Variants in TMEM150C observed in about 807,000 individuals in gnomAD.
The protein encoded by TMEM150C is tentonin 3.
TMEM150C carries 10 observed loss-of-function variants against 29.9 expected under a neutral mutation model. The observed-to-expected ratio is 0.33, with a 90% CI of 0.21 to 0.57. The LOEUF is 0.57. Ranked by LOEUF, TMEM150C falls within the 20% of genes least tolerant of loss-of-function variation. TMEM150C has a pLI of 0.88. For synonymous variants in TMEM150C, 101 were observed against 112.5 expected (o/e 0.90, Z 0.64); for missense variants, 251 against 303.6 (o/e 0.83, Z 1.29).
chr4:82,489,250 C>T (rs1723256753), intron 7 of TMEM150C, among the ~76,000 whole-genome samples: 1 of 151,948 alleles, frequency 6.6e-6, no homozygotes. Flanking sequence ...TTCTATTGGG[C>T]CACACTACCA....
intron 1 of TMEM150C, among the ~76,000 whole-genome samples, chr4:82,554,311 T>C (rs1725669692): frequency 6.6e-6 from 1 of 152,176 alleles, no homozygotes; most frequent in Non-Finnish European, 1.5e-5. Flanking sequence ...GATGATTATA[T>C]TACAGAATTC....
intron 3 of TMEM150C, 39 bp downstream of exon 3, chr4:82,503,020 C>G (rs544766197): frequency 6.2e-7 from 1 of 1,608,526 alleles, no homozygotes; most frequent in East Asian, 2.2e-5. Context: ...TTTGCTAAAT[C>G]TCTTGATGAA....
chr4:82,498,038 A>T (rs565038865), intron 5 of TMEM150C, among the ~76,000 whole-genome samples: 1 of 151,458 alleles, frequency 6.6e-6, no homozygotes, highest in African/African-American at 2.4e-5. Flanking sequence ...TTTTTTAAAC[A>T]GAGTCTTACT....
chr4:82,555,513 C>A (rs1265847655), intron 1 of TMEM150C, among the ~76,000 whole-genome samples: 3 of 152,202 alleles, frequency 2.0e-5, no homozygotes, highest in Non-Finnish European at 4.4e-5. Flanking sequence ...AGTGAGGTCT[C>A]TTCCTGCCTA....
At chr4:82,537,938 G>A (rs185305848) in intron 1 of TMEM150C, among the ~76,000 whole-genome samples, 1 of 152,282 alleles carries the variant, frequency 6.6e-6, no homozygotes, top group Admixed American at 6.5e-5. Context: ...AGTTTCTCCT[G>A]TTTTAAGCCA....
At chr4:82,530,426 G>A (rs186225342) in intron 1 of TMEM150C, among the ~76,000 whole-genome samples, 10 of 152,148 alleles carry the variant, frequency 6.6e-5, no homozygotes, top group East Asian at 5.8e-4. Context: ...GTGTGGTGGC[G>A]GGTGCCTGTA....
At chr4:82,548,514 A>G (rs1408542531) in intron 1 of TMEM150C, among the ~76,000 whole-genome samples, 14 of 152,096 alleles carry the variant, frequency 9.2e-5, no homozygotes, top group Non-Finnish European at 1.5e-4. Flanking sequence ...CTCCTTTCCC[A>G]TTGCCTTTCT....
chr4:82,523,769 C>T (rs1292475455), intron 1 of TMEM150C, among the ~76,000 whole-genome samples: 2 of 151,846 alleles, frequency 1.3e-5, no homozygotes, highest in African/African-American at 4.8e-5. Flanking sequence ...CCTTCACCTC[C>T]TGGGTTCAAG....
At chr4:82,492,117 T>TTTG (rs147594807) in intron 6 of TMEM150C, among the ~76,000 whole-genome samples, 7 of 148,804 alleles carry the variant, frequency 4.7e-5, no homozygotes, top group East Asian at 2.0e-4. Context: ...ATAATTGTTT[T>TTTG]TTGTTGTTGT....
intron 1 of TMEM150C, among the ~76,000 whole-genome samples, chr4:82,525,122 A>G (rs2110080285): frequency 6.6e-6 from 1 of 152,336 alleles, no homozygotes; most frequent in East Asian, 1.9e-4. Flanking sequence ...AGAACACTTG[A>G]GGCATTTCAT....
At chr4:82,545,405 G>C (rs6842368) in intron 1 of TMEM150C, among the ~76,000 whole-genome samples, 1 of 152,048 alleles carries the variant, frequency 6.6e-6, no homozygotes, top group Admixed American at 6.5e-5. Flanking sequence ...AAAATAATAA[G>C]AGCCATCTAG....
chr4:82,553,538 T>C (rs184508137), intron 1 of TMEM150C, among the ~76,000 whole-genome samples: 1 of 152,220 alleles, frequency 6.6e-6, no homozygotes, highest in Non-Finnish European at 1.5e-5. Flanking sequence ...TTTCTGGCTC[T>C]GAGACACTGA....
intron 1 of TMEM150C, among the ~76,000 whole-genome samples, chr4:82,512,979 G>A (rs911292474): frequency 6.6e-6 from 1 of 152,194 alleles, no homozygotes; most frequent in Admixed American, 6.5e-5. Flanking sequence ...CCTGGGAAGG[G>A]CAACTTGGGG....
chr4:82,500,293 T>A (rs1723696559), intron 5 of TMEM150C, among the ~76,000 whole-genome samples: 1 of 152,230 alleles, frequency 6.6e-6, no homozygotes, highest in South Asian at 2.1e-4. Context: ...GTGGGTTATT[T>A]CTTAAAGTCA....
chr4:82,530,385 G>A (rs539838010), intron 1 of TMEM150C, among the ~76,000 whole-genome samples: 174 of 152,052 alleles, frequency 1.1e-3, no homozygotes, highest in African/African-American at 4.0e-3. Flanking sequence ...GTGAAACCCC[G>A]TCTCTACTAA....
intron 1 of TMEM150C, among the ~76,000 whole-genome samples, chr4:82,557,998 T>C (rs970250224): frequency 6.6e-5 from 10 of 152,138 alleles, no homozygotes; most frequent in African/African-American, 2.4e-4. Flanking sequence ...CCCGAAGTGC[T>C]GGGATTACAA....
chr4:82,491,450 C>T (rs551097957), intron 6 of TMEM150C: 9 of 687,678 alleles, frequency 1.3e-5, no homozygotes. Context: ...GCCACTGCAA[C>T]CTGATATAGC....
At chr4:82,495,926 G>T in intron 6 of TMEM150C, 142 bp downstream of exon 6, 1 of 1,070,100 alleles carries the variant, frequency 9.3e-7, no homozygotes, top group Non-Finnish European at 1.3e-6. Context: ...GAGTTGCCAT[G>T]GAAAAGAGTC....
chr4:82,528,036 C>T (rs904679493), intron 1 of TMEM150C, among the ~76,000 whole-genome samples: 1 of 152,168 alleles, frequency 6.6e-6, no homozygotes, highest in African/African-American at 2.4e-5. Context: ...GCTAGAAATA[C>T]AAAGATTAAT....
Sources: gnomAD v4.1 joint callset for allele counts (sites outside exome capture counted in the v4.1 genomes callset) on GRCh38, gnomAD v4.1.1 for gene constraint, MANE v1.5 for transcripts, NCBI Gene and HGNC (gene_info 2026-07-23, HGNC 2026-07-21) for gene names.